PELI1: variants seen among roughly 807,000 people sequenced by gnomAD.
PELI1 encodes the protein E3 ubiquitin-protein ligase pellino homolog 1.
In PELI1, 15 loss-of-function variants were observed where a neutral mutation model predicts 41.3. The observed-to-expected ratio is 0.36, with a 90% confidence interval of 0.24 to 0.56. The LOEUF is 0.56. Among genes scored for constraint, PELI1 ranks in the 20% least tolerant of loss-of-function variants. The pLI is 0.82. For synonymous variants in PELI1, 178 were observed against 180.1 expected, an observed-to-expected ratio of 0.99 and a Z score of 0.09; for missense variants, 403 against 525.5, an observed-to-expected ratio of 0.77 and a Z score of 2.28.
chr2:64,104,271 A>AAATT (rs770583007), intron 3 of PELI1, among the ~76,000 whole-genome samples: 1 of 152,214 alleles, frequency 6.6e-6, no homozygotes, highest in Non-Finnish European at 1.5e-5. Context: ...CTTAGTTTAA[A>AAATT]AATTACCTCA....
At chr2:64,123,773 C>T (rs1182781042) in intron 1 of PELI1, among the ~76,000 whole-genome samples, 2 of 152,150 alleles carry the variant, frequency 1.3e-5, no homozygotes, top group Non-Finnish European at 2.9e-5. Flanking sequence ...TCATGTGACT[C>T]AGGAATTCAA....
Position 64,114,405 on chromosome 2 carries a change from A to G in PELI1, c.-69-6026T>C, listed in dbSNP as rs541281850. 6.6e-5 allele frequency among the ~76,000 whole-genome samples: 10 copies of G among 152,318 alleles called. No homozygotes were observed. The South Asian group carries it at 1.0e-3, about 16-fold the overall frequency. ...CAGGAGTAACACATAGCATTTTTAC[A>G]TAAAAGGAGAAATAATGGTGTGCAG... is the stretch of plus-strand genomic sequence containing the variant. On this transcript the variant is annotated intron_variant, in intron 1 of 6. Coordinates refer to ENST00000358912, the MANE Select transcript of PELI1 (RefSeq NM_020651.4).
intron 1 of PELI1, among the ~76,000 whole-genome samples, chr2:64,131,305 T>C (rs952829926): frequency 3.3e-5 from 5 of 150,054 alleles, no homozygotes; most frequent in African/African-American, 9.9e-5. Context: ...TAGCAATTCA[T>C]ATATATATAT....
At chr2:64,096,059 G>A (rs1379252284) in intron 6 of PELI1, 66 bp downstream of exon 6, 6 of 1,046,106 alleles carry the variant, frequency 5.7e-6, no homozygotes, top group Middle Eastern at 2.1e-4. Flanking sequence ...TGTATGTAAT[G>A]CATTCAGTTC....
rs565301837 is a variant in PELI1, at chr2:64,108,733, C to A, written c.-69-354G>T. Among the ~76,000 whole-genome samples, 25 of 152,274 alleles carry A rather than the reference C, an allele frequency of 1.6e-4. No homozygotes were observed. The East Asian group carries it at 4.8e-3, about 29-fold the overall frequency. On this transcript the variant is annotated intron_variant, in intron 1 of 6. Transcript: ENST00000358912. ...AGGGACCTCAGGACCCATGGAATGA[C>A]ACGGTGGTGTAAATTCTCTGGGTTT...
intron 3 of PELI1, among the ~76,000 whole-genome samples, chr2:64,102,015 C>T (rs961356554): frequency 4.0e-5 from 6 of 151,792 alleles, no homozygotes; most frequent in Non-Finnish European, 7.4e-5. Flanking sequence ...TTAGTAGAGA[C>T]GGGGTTTTGC....
At chr2:64,115,087 G>A (rs1002732647) in intron 1 of PELI1, among the ~76,000 whole-genome samples, 2 of 152,210 alleles carry the variant, frequency 1.3e-5, no homozygotes, top group Non-Finnish European at 1.5e-5. Context: ...GGGGCTGAGA[G>A]TGAGAATGAG....
chr2:64,098,367 T>C (rs1576069029), intron 4 of PELI1, among the ~76,000 whole-genome samples: 1 of 152,216 alleles, frequency 6.6e-6, no homozygotes, highest in South Asian at 2.1e-4. Flanking sequence ...AAGATTTGCC[T>C]CCCATCTACC....
chr2:64,136,892 G>T (rs779251890), intron 1 of PELI1, among the ~76,000 whole-genome samples: 1 of 152,128 alleles, frequency 6.6e-6, no homozygotes, highest in Non-Finnish European at 1.5e-5. Flanking sequence ...ACAGAGCAAG[G>T]CTCTGTCTCA....
At chr2:64,095,793 G>A (rs1200845384) in intron 6 of PELI1, among the ~76,000 whole-genome samples, 10 of 152,114 alleles carry the variant, frequency 6.6e-5, no homozygotes, top group Non-Finnish European at 1.0e-4. Flanking sequence ...ACAGGCATGC[G>A]CCACCATGCC....
chr2:64,096,405 CT>C lies in PELI1; in HGVS notation c.501+7del. On this transcript the variant is annotated splice_region_variant and intron_variant, in intron 5 of 6. Coordinates refer to ENST00000358912, the MANE Select transcript of PELI1 (RefSeq NM_020651.4). ...AAGAAAGCATCATTTAGAAAAAAAGCTTTTTACCCCAAGAAAGATGTTTTTT... is the reference window on the plus strand; with the variant it reads ...AAGAAAGCATCATTTAGAAAAAAAGCTTTTACCCCAAGAAAGATGTTTTTT... 6.2e-7 allele frequency: 1 copy of C among 1,603,810 alleles called. No individual in the cohort carries two copies. Among genetic ancestry groups the C allele is most frequent in the Non-Finnish European group, 8.5e-7 (1 of 1,173,040 alleles).
At chr2:64,102,163 A>G (rs114112504) in intron 3 of PELI1, among the ~76,000 whole-genome samples, 313 of 152,094 alleles carry the variant, frequency 2.1e-3, no homozygotes, top group African/African-American at 7.1e-3. Flanking sequence ...TACAGATACA[A>G]TTGAGGCTGC....
At chr2:64,127,078 T>C (rs764911641) in intron 1 of PELI1, among the ~76,000 whole-genome samples, 6 of 152,210 alleles carry the variant, frequency 3.9e-5, no homozygotes, top group Non-Finnish European at 7.3e-5. Flanking sequence ...CTTTATACTC[T>C]TAGAAAGATG....
chr2:64,128,540 A>C (rs1032657850), intron 1 of PELI1, among the ~76,000 whole-genome samples: 2 of 152,124 alleles, frequency 1.3e-5, no homozygotes, highest in Non-Finnish European at 2.9e-5. Context: ...TTCTTACAGT[A>C]GCCCAAAAAT....
intron 1 of PELI1, among the ~76,000 whole-genome samples, chr2:64,110,249 A>AG (rs1680765617): frequency 2.8e-5 from 2 of 71,274 alleles, no homozygotes; most frequent in Admixed American, 3.1e-4. Flanking sequence ...CGTCTCAAGA[A>AG]AAAAAAAAAA....
rs768005852 is a variant in PELI1, at chr2:64,095,271, AGAG to A, written c.691-6_691-4del. The A allele has an allele frequency of 1.7e-5, 28 of 1,601,596 alleles. No homozygotes were observed. The South Asian group carries it at 3.1e-4, about 18-fold the overall frequency. On this transcript the variant is annotated splice_region_variant and splice_polypyrimidine_tract_variant and intron_variant, in intron 6 of 6. Transcript: ENST00000358912. ...AACTGATTGGTTTCAATTTCCACCT[AGAG>A]GAGACAAGAGTTGAAAAACATATTC...
intron 1 of PELI1, among the ~76,000 whole-genome samples, chr2:64,111,296 A>G (rs963534374): frequency 2.0e-5 from 3 of 152,208 alleles, no homozygotes; most frequent in African/African-American, 7.2e-5. Flanking sequence ...ATGTAGCCCA[A>G]TGAATAAGAA....
intron 1 of PELI1, among the ~76,000 whole-genome samples, chr2:64,121,093 T>A (rs888891535): frequency 3.9e-5 from 6 of 152,210 alleles, no homozygotes; most frequent in Admixed American, 6.5e-5. Flanking sequence ...CCACTTAGGT[T>A]ACAGCGAAAT....
Position 64,093,316 on chromosome 2 carries a change from A to C in PELI1, c.*1386T>G, listed in dbSNP as rs1680114260. 6.5e-6 allele frequency: 1 copy of C among 152,680 alleles called. No homozygotes were observed. The highest frequency in any genetic ancestry group is 2.4e-5 in the African/African-American group (1 of 41,466). 9.5% of individuals were successfully genotyped at this position (152,680 alleles called of 1,614,324 possible). A position where few individuals can be genotyped will look rare whatever the true frequency, so the allele number is the denominator to read the frequency against. ...CAGTTAAGTATTATACAACTTTTCA[A>C]ACTAAAGGAAAACAAATCAAAATAT... On this transcript the variant is annotated 3_prime_UTR_variant, in exon 7 of 7. Coordinates refer to ENST00000358912, the MANE Select transcript of PELI1 (RefSeq NM_020651.4).
Sources: allele counts gnomAD v4.1 joint callset (sites outside exome capture counted in the v4.1 genomes callset), GRCh38; gene constraint gnomAD v4.1.1; transcripts MANE v1.5; gene names NCBI Gene and HGNC (gene_info 2026-07-23, HGNC 2026-07-21).